Variants in B3GAT2 observed in about 807,000 individuals in gnomAD.
The protein encoded by B3GAT2 is galactosylgalactosylxylosylprotein 3-beta-glucuronosyltransferase 2.
In B3GAT2, 26 loss-of-function variants were observed where a neutral mutation model predicts 27.8. The observed-to-expected ratio is 0.93, with a 90% CI of 0.68 to 1.30. The LOEUF is 1.30. Ranked by LOEUF, B3GAT2 falls within the 50% of genes most tolerant of loss-of-function variation. The pLI, the probability that B3GAT2 is intolerant of heterozygous loss-of-function variation, is 0.00. For missense variants in B3GAT2, 458 were observed against 459.0 expected (o/e 1.00, Z 0.02); for synonymous variants, 218 against 195.1 (o/e 1.12, Z -0.98).
intron 1 of B3GAT2, among the ~76,000 whole-genome samples, chr6:70,908,434 A>G (rs1481994993): frequency 6.6e-6 from 1 of 152,334 alleles, no homozygotes; most frequent in East Asian, 1.9e-4. Context: ...ACAGAGAAGT[A>G]CCTTGTGCTG....
At chr6:70,895,322 A>C (rs747941565) in intron 1 of B3GAT2, among the ~76,000 whole-genome samples, 1 of 152,182 alleles carries the variant, frequency 6.6e-6, no homozygotes, top group Non-Finnish European at 1.5e-5. Context: ...TTAAATAATG[A>C]ACATCAACCA....
chr6:70,862,356 G>A (rs1771771043), intron 2 of B3GAT2, among the ~76,000 whole-genome samples: 2 of 152,136 alleles, frequency 1.3e-5, no homozygotes, highest in African/African-American at 4.8e-5. Flanking sequence ...CTAACTACAT[G>A]TGGGGTATGA....
In B3GAT2 at chr6:70,859,677, A is replaced by G. The variant is rs1364143866; in HGVS notation, c.*1986T>C. On this transcript the variant is annotated 3_prime_UTR_variant, in exon 4 of 4. Coordinates refer to ENST00000230053, the MANE Select transcript of B3GAT2 (RefSeq NM_080742.3). ...TATTTGACTCCAGTCTTGAAGAAAA[A>G]TACATGTAATCTTATGCTTTATTGC... The G allele has an allele frequency of 4.1e-6, 1 of 244,186 alleles. No homozygotes were observed. The highest frequency in any genetic ancestry group is 7.8e-6 in the Non-Finnish European group (1 of 128,610). 15.1% of individuals were successfully genotyped at this position (244,186 alleles called of 1,614,324 possible).
chr6:70,950,058 G>A (rs1765554499), intron 1 of B3GAT2, among the ~76,000 whole-genome samples: 2 of 150,946 alleles, frequency 1.3e-5, no homozygotes, highest in Non-Finnish European at 3.0e-5. Context: ...CTGTTGTGGG[G>A]TGGGGGTTGG....
chr6:70,890,161 T>A (rs1454342695), intron 2 of B3GAT2, among the ~76,000 whole-genome samples: 2 of 152,062 alleles, frequency 1.3e-5, no homozygotes, highest in African/African-American at 2.4e-5. Context: ...TCTTCCCACA[T>A]CCAATAACGG....
chr6:70,950,812 C>T (rs1470327523), intron 1 of B3GAT2, among the ~76,000 whole-genome samples: 5 of 152,130 alleles, frequency 3.3e-5, no homozygotes, highest in Non-Finnish European at 5.9e-5. Flanking sequence ...AAATAATACA[C>T]GTAAAACCCT....
chr6:70,911,797 CGTTT>C (rs1245295295), intron 1 of B3GAT2, among the ~76,000 whole-genome samples: 9 of 152,134 alleles, frequency 5.9e-5, no homozygotes, highest in African/African-American at 2.2e-4. Context: ...AATGTTTTCT[CGTTT>C]GTTTGTGTTG....
chr6:70,866,762 C>T (rs1251392649), intron 2 of B3GAT2, among the ~76,000 whole-genome samples: 1 of 152,106 alleles, frequency 6.6e-6, no homozygotes, highest in Non-Finnish European at 1.5e-5. Context: ...GAAAAATTTA[C>T]AAACTTGAAA....
At chr6:70,951,049 G>A (rs6900853) in intron 1 of B3GAT2, among the ~76,000 whole-genome samples, 56,132 of 151,934 alleles carry the variant, frequency 0.37, 11,207 homozygotes, top group African/African-American at 0.54. Context: ...TTTGGTGGGA[G>A]AATTTGAGCT....
chr6:70,946,168 C>T lies in B3GAT2; in HGVS notation c.591+9671G>A, dbSNP rs528463340. ...GCTAGGAAGAAACTGCATCAACTAA[C>T]GAGCAAAATAACCAGCTAACATCAT... On this transcript the variant is annotated intron_variant, in intron 1 of 3. Transcript: ENST00000230053. 7.3e-3 allele frequency among the ~76,000 whole-genome samples: 1,111 copies of T among 151,972 alleles called. 11 individuals are homozygous for T. Among genetic ancestry groups the T allele is most frequent in the African/African-American group, 0.026 (1,068 of 41,456 alleles).
rs549073080 is a variant in B3GAT2, at chr6:70,860,949, C to T, written c.*714G>A. ...GCTTAAAGAATTCAAATTTTATCTGCCTCTCTTGTAATTTGGATCTCTTCT... is the reference window on the plus strand; with the variant it reads ...GCTTAAAGAATTCAAATTTTATCTGTCTCTCTTGTAATTTGGATCTCTTCT... On this transcript the variant is annotated 3_prime_UTR_variant, in exon 4 of 4. Transcript: ENST00000230053. 53 of 360,584 alleles carry T rather than the reference C, an allele frequency of 1.5e-4. No individual in the cohort carries two copies. Among genetic ancestry groups the T allele is most frequent in the Non-Finnish European group, 2.2e-4 (45 of 201,874 alleles). 22.3% of individuals were successfully genotyped at this position (360,584 alleles called of 1,614,324 possible).
At chr6:70,884,106 A>C (rs951638884) in intron 2 of B3GAT2, among the ~76,000 whole-genome samples, 25 of 144,402 alleles carry the variant, frequency 1.7e-4, no homozygotes, top group Non-Finnish European at 2.6e-4. Context: ...AAAAAAAAAA[A>C]AAAAAAACAA....
intron 2 of B3GAT2, among the ~76,000 whole-genome samples, chr6:70,863,302 C>T (rs1771794814): frequency 6.6e-6 from 1 of 152,192 alleles, no homozygotes; most frequent in African/African-American, 2.4e-5. Flanking sequence ...TGTGAAAACA[C>T]CACAACCACC....
chr6:70,935,240 G>A (rs1582391399), intron 1 of B3GAT2, among the ~76,000 whole-genome samples: 1 of 151,972 alleles, frequency 6.6e-6, no homozygotes, highest in East Asian at 1.9e-4. Flanking sequence ...GAAGCCAGGA[G>A]CTTGAGACCA....
chr6:70,901,133 C>T (rs1278421518), intron 1 of B3GAT2, among the ~76,000 whole-genome samples: 2 of 152,188 alleles, frequency 1.3e-5, no homozygotes, highest in African/African-American at 4.8e-5. Flanking sequence ...TGATCAAATA[C>T]ACCTATAACT....
At chr6:70,927,261 G>A (rs578142921) in intron 1 of B3GAT2, among the ~76,000 whole-genome samples, 1 of 152,306 alleles carries the variant, frequency 6.6e-6, no homozygotes, top group Non-Finnish European at 1.5e-5. Flanking sequence ...TGAAGAAACT[G>A]CATCAACTAA....
At chr6:70,882,541 C>T (rs1401760764) in intron 2 of B3GAT2, among the ~76,000 whole-genome samples, 4 of 151,990 alleles carry the variant, frequency 2.6e-5, no homozygotes, top group African/African-American at 9.7e-5. Flanking sequence ...AATAGATAAA[C>T]TAGACTTCTT....
At position 70,857,052 on chromosome 6, in the gene B3GAT2, T is replaced by TTTCA; in HGVS notation, c.*4607_*4610dup. The TTTCA allele has an allele frequency of 6.3e-7, 1 of 1,580,346 alleles. No individual in the cohort carries two copies. The highest frequency in any genetic ancestry group is 8.6e-7 in the Non-Finnish European group (1 of 1,162,538). ...CCTGGTAATGAATTTTGATATCTGCTTTCAGTGACATTACTAGAAGTACAT... is the reference window on the plus strand; with the variant it reads ...CCTGGTAATGAATTTTGATATCTGCTTTCATTCAGTGACATTACTAGAAGTACAT... On this transcript the variant is annotated 3_prime_UTR_variant, in exon 4 of 4. Coordinates refer to ENST00000230053, the MANE Select transcript of B3GAT2 (RefSeq NM_080742.3).
intron 2 of B3GAT2, among the ~76,000 whole-genome samples, chr6:70,881,831 T>G (rs1772103496): frequency 6.6e-6 from 1 of 152,202 alleles, no homozygotes; most frequent in Non-Finnish European, 1.5e-5. Context: ...TTACTTCTCA[T>G]ATGATCCCCC....
Sources: allele counts gnomAD v4.1 joint callset (sites outside exome capture counted in the v4.1 genomes callset), GRCh38; gene constraint gnomAD v4.1.1; transcripts MANE v1.5; gene names NCBI Gene and HGNC (gene_info 2026-07-23, HGNC 2026-07-21).